ADAMTSL1: variants seen among roughly 807,000 people sequenced by gnomAD.
ADAMTSL1 encodes ADAMTS-like protein 1.
A neutral mutation model predicts 201.8 loss-of-function variants in ADAMTSL1; 126 were observed. The observed-to-expected ratio is 0.62, with a 90% confidence interval of 0.54 to 0.72. The LOEUF (loss-of-function observed/expected upper bound fraction) is 0.72, where lower values mean the gene tolerates loss of function less well. Among genes scored for constraint, ADAMTSL1 ranks in the 30% least tolerant of loss-of-function variants. The probability of loss-of-function intolerance (pLI) is 0.00; values close to 1 mark genes in which losing one functional copy is unlikely to be tolerated. For synonymous variants in ADAMTSL1, 1,121 were observed against 903.4 expected (o/e 1.24, Z -4.32); for missense variants, 2,679 against 2,277.8 (o/e 1.18, Z -3.59).
chr9:18,291,387 C>G (rs1022001219), intron 2 of ADAMTSL1, among the ~76,000 whole-genome samples: 1 of 152,174 alleles, frequency 6.6e-6, no homozygotes, highest in African/African-American at 2.4e-5. Context: ...CTGATGCTCT[C>G]ATTTATTCAT....
In ADAMTSL1 at chr9:18,888,047, A is replaced by G; in HGVS notation, c.4462+4A>G. On this transcript the variant is annotated splice_donor_region_variant and intron_variant, in intron 24 of 28. Transcript: ENST00000380548. ...AAGGCATCTTTAGTGATCCAAGGTA[A>G]GAAACCCTGCAGACTTTGCATACTG... 6.2e-7 allele frequency: 1 copy of G among 1,611,160 alleles called. No homozygotes were observed. Among genetic ancestry groups the G allele is most frequent in the Non-Finnish European group, 8.5e-7 (1 of 1,178,426 alleles).
intron 1 of ADAMTSL1, among the ~76,000 whole-genome samples, chr9:17,995,397 G>A (rs1007749027): frequency 6.6e-6 from 1 of 152,022 alleles, no homozygotes. Context: ...ATTTTTTGCT[G>A]GCAAAAGAAG....
intron 1 of ADAMTSL1, among the ~76,000 whole-genome samples, chr9:18,128,165 A>G (rs986874390): frequency 6.6e-6 from 1 of 152,222 alleles, no homozygotes; most frequent in Non-Finnish European, 1.5e-5. Context: ...TCTCAAATGC[A>G]TGTGAAATTT....
At position 18,234,690 on chromosome 9, in the gene ADAMTSL1, C is replaced by G. The variant is rs1367829485; in HGVS notation, c.207+70709C>G. On this transcript the variant is annotated intron_variant, in intron 2 of 29. Coordinates refer to the ADAMTSL1 transcript ENST00000680146. Reference sequence around the variant, plus strand: ...TAGAATTGGCAATATGGAAATTCAACCAAACACCTCTTAGGAGTGTTTTTA... The same window carrying G: ...TAGAATTGGCAATATGGAAATTCAAGCAAACACCTCTTAGGAGTGTTTTTA... Among the ~76,000 whole-genome samples the G allele has an allele frequency of 4.6e-5, 7 of 152,200 alleles. No individual in the cohort carries two copies. In the South Asian group the frequency reaches 6.2e-4, roughly 14 times the overall value.
At chr9:18,022,885 A>C (rs1820536533) in intron 1 of ADAMTSL1, among the ~76,000 whole-genome samples, 2 of 152,094 alleles carry the variant, frequency 1.3e-5, no homozygotes, top group South Asian at 2.1e-4. Context: ...GGTCCCTATC[A>C]TGTTGCCTAG....
At chr9:18,866,590 T>G (rs1344761933) in intron 23 of ADAMTSL1, among the ~76,000 whole-genome samples, 1 of 152,202 alleles carries the variant, frequency 6.6e-6, no homozygotes, top group Non-Finnish European at 1.5e-5. Context: ...CAGTCATGCT[T>G]ATTAGAAGCA....
chr9:18,077,310 A>C (rs2131756110), intron 1 of ADAMTSL1, among the ~76,000 whole-genome samples: 1 of 152,308 alleles, frequency 6.6e-6, no homozygotes, highest in East Asian at 1.9e-4. Flanking sequence ...GAGGGCAGAG[A>C]ACAAAGATGC....
At chr9:18,849,077 G>C (rs1201351983) in intron 23 of ADAMTSL1, among the ~76,000 whole-genome samples, 1 of 152,218 alleles carries the variant, frequency 6.6e-6, no homozygotes, top group Admixed American at 6.5e-5. Flanking sequence ...TCACCAATGT[G>C]ATACTTAGCC....
chr9:18,330,519 G>A (rs1834989679), intron 2 of ADAMTSL1, among the ~76,000 whole-genome samples: 1 of 151,944 alleles, frequency 6.6e-6, no homozygotes, highest in African/African-American at 2.4e-5. Flanking sequence ...GGATGCCCGA[G>A]GCTGATGTTA....
chr9:18,578,226 T>C (rs555103256), intron 4 of ADAMTSL1, among the ~76,000 whole-genome samples: 1 of 152,358 alleles, frequency 6.6e-6, no homozygotes, highest in African/African-American at 2.4e-5. Flanking sequence ...GCTGAGATTT[T>C]GTCTAGCTGT....
At chr9:18,122,527 T>A (rs1290191228) in intron 1 of ADAMTSL1, among the ~76,000 whole-genome samples, 1 of 152,238 alleles carries the variant, frequency 6.6e-6, no homozygotes, top group African/African-American at 2.4e-5. Flanking sequence ...ATCATTTTCA[T>A]AGATCTGATT....
intron 2 of ADAMTSL1, among the ~76,000 whole-genome samples, chr9:18,410,986 C>T (rs184124807): frequency 1.4e-3 from 207 of 150,860 alleles, no homozygotes; most frequent in African/African-American, 4.7e-3. Flanking sequence ...GGACTACAGG[C>T]GCACACCACC....
intron 10 of ADAMTSL1, among the ~76,000 whole-genome samples, chr9:18,679,990 A>C (rs1587876341): frequency 6.6e-6 from 1 of 152,316 alleles, no homozygotes; most frequent in East Asian, 1.9e-4. Context: ...ACATATCCTG[A>C]AACTATGGGA....
intron 2 of ADAMTSL1, among the ~76,000 whole-genome samples, chr9:18,449,707 TAGAC>T (rs1267058426): frequency 1.3e-5 from 2 of 152,124 alleles, no homozygotes; most frequent in Non-Finnish European, 2.9e-5. Flanking sequence ...CAATAAAAAT[TAGAC>T]AGAAGATCTA....
chr9:18,197,953 G>A (rs1010489041), intron 2 of ADAMTSL1, among the ~76,000 whole-genome samples: 25 of 152,010 alleles, frequency 1.6e-4, no homozygotes, highest in Admixed American at 3.3e-4. Context: ...AAATAATGCC[G>A]CATATCTACA....
chr9:18,593,303 G>C (rs572617284), intron 4 of ADAMTSL1, among the ~76,000 whole-genome samples: 2 of 152,090 alleles, frequency 1.3e-5, no homozygotes, highest in African/African-American at 4.8e-5. Context: ...ATATATTAAA[G>C]GAAAGCTTTC....
intron 1 of ADAMTSL1, among the ~76,000 whole-genome samples, chr9:18,163,253 T>A (rs1827477782): frequency 6.6e-6 from 1 of 151,994 alleles, no homozygotes; most frequent in Non-Finnish European, 1.5e-5. Context: ...TTGTAAAATG[T>A]GGCTGATAAC....
At chr9:18,523,038 C>G (rs563902955) in intron 2 of ADAMTSL1, among the ~76,000 whole-genome samples, 1 of 152,176 alleles carries the variant, frequency 6.6e-6, no homozygotes, top group Non-Finnish European at 1.5e-5. Context: ...AATGGTTGAA[C>G]CAGTTTACAC....
intron 9 of ADAMTSL1, among the ~76,000 whole-genome samples, chr9:18,672,152 C>CTACAACTGA (rs1296579225): frequency 6.6e-6 from 1 of 150,436 alleles, no homozygotes; most frequent in Admixed American, 6.6e-5. Context: ...TAGTTATATT[C>CTACAACTGA]TACAACTGAG....
Sources: gnomAD v4.1 joint callset for allele counts (sites outside exome capture counted in the v4.1 genomes callset) on GRCh38, gnomAD v4.1.1 for gene constraint, MANE v1.5 for transcripts, NCBI Gene and HGNC (gene_info 2026-07-23, HGNC 2026-07-21) for gene names.